ZNF839: variants seen among roughly 807,000 people sequenced by gnomAD.
ZNF839 encodes zinc finger protein 839.
ZNF839 carries 38 observed loss-of-function variants against 56.4 expected under a neutral mutation model. The ratio of observed to expected loss-of-function variants is 0.67; its 90% CI spans 0.52 to 0.88. The LOEUF is 0.88. ZNF839 is among the 40% of genes least tolerant of loss of function. The pLI is 0.00. For missense variants in ZNF839, 1,091 were observed against 1,177.6 expected, an observed-to-expected ratio of 0.93 and a Z score of 1.08; for synonymous variants, 486 against 493.5, an observed-to-expected ratio of 0.98 and a Z score of 0.20.
intron 5 of ZNF839, among the ~76,000 whole-genome samples, chr14:102,338,275 C>T (rs182125950): frequency 1.3e-5 from 2 of 152,290 alleles, no homozygotes; most frequent in African/African-American, 4.8e-5. Flanking sequence ...CAGTGGCTCA[C>T]GCCTGTAATC....
Position 102,319,933 on chromosome 14 carries a change from G to T in ZNF839, c.168G>T (p.Pro56=). ...TGACGAAGGCGCAGCCGCCGCCGCC[G>T]CCGCCCCCCTTCGTGCTGCGGGACG... The part of the protein sequence containing the change: ...EQVTKAQPPP[P]PPPFVLRDAA... Residue 56 remains proline (P), a synonymous_variant, in exon 1 of 8, where the codon CCG becomes CCT. Transcript: ENST00000442396. This position sits in a 1 kb window ranked among gnomAD's most constrained non-coding sequence, Gnocchi z 4.5. 1 of 1,208,222 alleles carries T rather than the reference G, an allele frequency of 8.3e-7. No homozygotes were observed. The highest frequency in any genetic ancestry group is 1.0e-6 in the Non-Finnish European group (1 of 968,306). The allele number at this position is 1,208,222 out of a possible 1,614,324, so 74.8% of individuals were successfully genotyped here. A position where few individuals can be genotyped will look rare whatever the true frequency, so the allele number is the denominator to read the frequency against.
At position 102,320,172 on chromosome 14, in the gene ZNF839, C is replaced by T. The variant is rs1224954961; in HGVS notation, c.288+119C>T. ...GCCCGGGTTAAGACTCAGGGCGTCC[C>T]CAGGCTGAGCTTCTTAGGGACGGCG... On this transcript the variant is annotated intron_variant, in intron 1 of 7. Transcript: ENST00000442396. 1.5e-5 allele frequency: 16 copies of T among 1,042,468 alleles called. No homozygotes were observed. In the East Asian group the frequency reaches 2.2e-4, roughly 14 times the overall value. 64.6% of individuals were successfully genotyped at this position (1,042,468 alleles called of 1,614,324 possible).
chr14:102,318,771 C>T (rs1431893893), upstream of ZNF839, among the ~76,000 whole-genome samples: 1 of 152,186 alleles, frequency 6.6e-6, no homozygotes, highest in Non-Finnish European at 1.5e-5. Flanking sequence ...TCTGACGCCA[C>T]CCAGGCCGCC....
rs779338664 is a variant in ZNF839, at chr14:102,341,527, A to T, written c.2132A>T (p.Glu711Val). The T allele has an allele frequency of 1.2e-6, 2 of 1,607,186 alleles. No homozygotes were observed. The highest frequency in any genetic ancestry group is 1.7e-6 in the Non-Finnish European group (2 of 1,175,906). The change falls in exon 8 of 8, where the codon GAG (glutamate) becomes GTG (valine). Residue 711 changes from glutamate to valine, a missense_variant. Physicochemically the swap from Glu to Val is moderately radical, Grantham distance 121 (BLOSUM62 -2). Around this residue, in one of 3 missense-constraint regions of ZNF839, gnomAD observed 431 missense variants for 468.0 expected, o/e 0.92. Coordinates refer to ENST00000442396, the MANE Select transcript of ZNF839 (RefSeq NM_018335.6). Reference sequence around the variant, plus strand: ...CTGCCTGTTTATGCTCAGTCAGGAGAGCCTAGGAGGCTGACCCAGGCACAG... The same window carrying T: ...CTGCCTGTTTATGCTCAGTCAGGAGTGCCTAGGAGGCTGACCCAGGCACAG... Reference protein sequence around the residue: ...SGLPVYAQSGEPRRLTQAQVA... With the variant: ...SGLPVYAQSGVPRRLTQAQVA...
intron 7 of ZNF839, among the ~76,000 whole-genome samples, chr14:102,339,478 C>T (rs750070962): frequency 6.6e-6 from 1 of 152,200 alleles, no homozygotes; most frequent in Non-Finnish European, 1.5e-5. Flanking sequence ...GGTGCAGTGG[C>T]TCACGCCTAT....
At position 102,319,810 on chromosome 14, in the gene ZNF839, C is replaced by T. The variant is rs2073020634; in HGVS notation, c.45C>T (p.Gly15=). Residue 15 remains glycine, a synonymous_variant, in exon 1 of 8, where the codon GGC becomes GGT. Transcript: ENST00000442396. This position sits in a 1 kb window ranked among gnomAD's most constrained non-coding sequence, Gnocchi z 4.5. Reference sequence around the variant, plus strand: ...AGGCTGGGGGCGGCAGCGAGGATGGCGGCGGCGGCGGCGGCCCGGCTCCTC... The same window carrying T: ...AGGCTGGGGGCGGCAGCGAGGATGGTGGCGGCGGCGGCGGCCCGGCTCCTC... ...EPEAGGGSED[G]GGGGGPAPPG... is the part of the protein sequence containing the mutation. The T allele has an allele frequency of 1.7e-6, 2 of 1,208,708 alleles. No individual in the cohort carries two copies. The highest frequency in any genetic ancestry group is 2.1e-6 in the Non-Finnish European group (2 of 973,002). The allele number at this position is 1,208,708 out of a possible 1,614,324, so 74.9% of individuals were successfully genotyped here.
Position 102,341,530 on chromosome 14 carries a change from C to T in ZNF839, c.2135C>T (p.Pro712Leu), listed in dbSNP as rs71415891. Reference protein sequence around the residue: ...GLPVYAQSGEPRRLTQAQVAA... With the variant: ...GLPVYAQSGELRRLTQAQVAA... The stretch of plus-strand genomic sequence containing the variant: ...CCTGTTTATGCTCAGTCAGGAGAGC[C>T]TAGGAGGCTGACCCAGGCACAGGTG... Residue 712 changes from proline to leucine, a missense_variant, in exon 8 of 8, where the codon CCT (proline) becomes CTT (leucine). Transcript: ENST00000442396. The T allele has an allele frequency of 1.2e-6, 2 of 1,609,868 alleles. No homozygotes were observed. The highest frequency in any genetic ancestry group is 2.2e-5 in the South Asian group (2 of 90,562).
intron 2 of ZNF839, among the ~76,000 whole-genome samples, chr14:102,328,963 C>G (rs933154045): frequency 5.3e-5 from 8 of 150,984 alleles, no homozygotes; most frequent in Admixed American, 4.7e-4. Context: ...CTTTGAGACC[C>G]TGCTTTCTTC....
chr14:102,326,596 CTT>C lies in ZNF839; in HGVS notation c.902_903del (p.Phe301Ter), dbSNP rs1353495315. 8.7e-6 allele frequency: 14 copies of C among 1,613,784 alleles called. 1 individual carries two copies. Among genetic ancestry groups the C allele is most frequent in the African/African-American group, 2.7e-5 (2 of 74,922 alleles). On this transcript the variant is annotated frameshift_variant, in exon 2 of 8. Coordinates refer to ENST00000442396, the MANE Select transcript of ZNF839 (RefSeq NM_018335.6). LOFTEE classifies it high-confidence loss of function. The surrounding 1 kb of genome is among the most constrained non-coding windows in gnomAD (Gnocchi z 4.3). ...AAGATCAGAGGGAGAGGCACGCACT[CTT>C]TGACTTATCGAGCTGCTCCCTGAGG... ...DEDQRERHAL[F>X]DLSSCSLRPK...
At position 102,339,152 on chromosome 14, in the gene ZNF839, A is replaced by G. The variant is rs745777198; in HGVS notation, c.1856A>G (p.Asp619Gly). 16 of 1,613,350 alleles carry G rather than the reference A, an allele frequency of 9.9e-6. No homozygotes were observed. In the African/African-American group the frequency reaches 2.0e-4, roughly 20 times the overall value. The change falls in exon 7 of 8, where the codon GAT becomes GGT. Residue 619 changes from aspartate (D) to glycine (G), a missense_variant. Physicochemically the swap from Asp to Gly is moderately conservative, Grantham distance 94 (BLOSUM62 -1). Around this residue, in one of 3 missense-constraint regions of ZNF839, gnomAD observed 431 missense variants for 468.0 expected, o/e 0.92. Transcript: ENST00000442396. ...KRPRREALSN[D>G]TTESLAANSR... ...CCCAGAAGAGAAGCCCTGTCCAACG[A>G]TACCACTGAATCTCTTGCTGCCAAC...
chr14:102,325,842 A>T, intron 1 of ZNF839, 143 bp from the exon 2 acceptor site: 1 of 982,826 alleles, frequency 1.0e-6, no homozygotes, highest in Non-Finnish European at 1.5e-6. Context: ...ATACCACCTT[A>T]GTACAAACAC....
Position 102,319,976 on chromosome 14 carries a change from G to T in ZNF839, c.211G>T (p.Asp71Tyr). ...VLRDAARRLR[D>Y]AAQQAALQRG... ...GCGGGACGCGGCGCGGCGGCTGCGG[G>T]ACGCGGCCCAACAGGCCGCCCTGCA... Residue 71 changes from aspartate to tyrosine, a missense_variant, in exon 1 of 8, where the codon GAC (aspartate) becomes TAC (tyrosine). Around this residue, in one of 3 missense-constraint regions of ZNF839, gnomAD observed 614 missense variants for 629.2 expected, o/e 0.98. Coordinates refer to ENST00000442396, the MANE Select transcript of ZNF839 (RefSeq NM_018335.6). This position sits in a 1 kb window ranked among gnomAD's most constrained non-coding sequence, Gnocchi z 4.5. 8.5e-7 allele frequency: 1 copy of T among 1,174,276 alleles called. No homozygotes were observed. Among genetic ancestry groups the T allele is most frequent in the Non-Finnish European group, 1.0e-6 (1 of 955,832 alleles). The allele number at this position is 1,174,276 out of a possible 1,614,324, so 72.7% of individuals were successfully genotyped here.
rs370145192 is a variant in ZNF839 at position 102,326,772 on chromosome 14, G to A, written c.1076G>A (p.Cys359Tyr). The change falls in exon 2 of 8, where the codon TGC becomes TAC. Residue 359 changes from cysteine (C) to tyrosine (Y), a missense_variant. Cys to Tyr is a radical substitution (Grantham distance 194, BLOSUM62 -2). This residue lies in a region of ZNF839 where 614 missense variants were observed against 629.2 expected (regional missense o/e 0.98). Coordinates refer to ENST00000442396, the MANE Select transcript of ZNF839 (RefSeq NM_018335.6). The surrounding 1 kb of genome is among the most constrained non-coding windows in gnomAD (Gnocchi z 4.3). ...GCCAGTGGAAGCACCCTCCGGGGGT[G>A]CACGGAGGAAAGGACGCTCAGCCTG... Reference protein sequence around the residue: ...EKASGSTLRGCTEERTLSLTS... With the variant: ...EKASGSTLRGYTEERTLSLTS... 2.3e-5 allele frequency: 37 copies of A among 1,612,702 alleles called. No homozygotes were observed. In the African/African-American group the frequency reaches 4.8e-4, roughly 21 times the overall value.
Position 102,332,142 on chromosome 14 carries a change from CT to C in ZNF839, c.1416+305del, listed in dbSNP as rs1473404298. On this transcript the variant is annotated intron_variant, in intron 3 of 7. Coordinates refer to ENST00000442396, the MANE Select transcript of ZNF839 (RefSeq NM_018335.6). This position sits in a 1 kb window ranked among gnomAD's most constrained non-coding sequence, Gnocchi z 4.9. ...AACGGAAGTGGTTTTCAAAACCATT[CT>C]TTTTTTTTAGACGGAGTCTCACACT... 1.3e-5 allele frequency among the ~76,000 whole-genome samples: 2 copies of C among 151,236 alleles called. No homozygotes were observed. Among genetic ancestry groups the C allele is most frequent in the Admixed American group, 1.3e-4 (2 of 15,148 alleles).
intron 2 of ZNF839, among the ~76,000 whole-genome samples, chr14:102,330,825 A>AT (rs2073744276): frequency 6.6e-6 from 1 of 152,016 alleles, no homozygotes. Flanking sequence ...CCTGGCCTTT[A>AT]TTTTATTTTT....
intron 4 of ZNF839, chr14:102,335,423 C>A: frequency 2.7e-6 from 1 of 367,770 alleles, no homozygotes; most frequent in Non-Finnish European, 4.9e-6. Context: ...GCCTTCCCTT[C>A]CCACCCTGTC....
chr14:102,319,708 C>G (rs561404417), upstream of ZNF839: 2 of 1,222,290 alleles, frequency 1.6e-6, no homozygotes, highest in South Asian at 4.1e-5. This position sits in a 1 kb window ranked among gnomAD's most constrained non-coding sequence, Gnocchi z 4.5. Flanking sequence ...TCCTAGGTGA[C>G]GTACATTGGA....
At chr14:102,338,775 T>C in intron 5 of ZNF839, 41 bp from the exon 6 acceptor site, 6 of 1,612,222 alleles carry the variant, frequency 3.7e-6, no homozygotes, top group Non-Finnish European at 5.1e-6. Flanking sequence ...GGGTGTGTGC[T>C]GTTTGGGTGA....
At chr14:102,334,679 G>T in intron 4 of ZNF839, 33 bp downstream of exon 4, 1 of 1,278,580 alleles carries the variant, frequency 7.8e-7, no homozygotes. Context: ...AATGATAGCG[G>T]GATGATTAGA....
Sources: gnomAD v4.1 joint callset for allele counts (sites outside exome capture counted in the v4.1 genomes callset) on GRCh38, gnomAD v4.1.1 for gene constraint, gnomAD v4.1.1 regional missense constraint, Gnocchi (gnomAD v3.1) non-coding constraint, MANE v1.5 for transcripts, NCBI Gene and HGNC (gene_info 2026-07-23, HGNC 2026-07-21) for gene names.